MCF2L: variants seen among roughly 807,000 people sequenced by gnomAD.
MCF2L encodes guanine nucleotide exchange factor DBS.
In MCF2L, 97 loss-of-function variants were observed where a neutral mutation model predicts 153.4. That is an observed-to-expected ratio of 0.63 (90% confidence interval 0.54 to 0.75). The LOEUF (loss-of-function observed/expected upper bound fraction) is 0.75. MCF2L is among the 30% of genes least tolerant of loss of function. The probability of loss-of-function intolerance (pLI) is 0.00; values close to 1 mark genes in which losing one functional copy is unlikely to be tolerated. For synonymous variants in MCF2L, 659 were observed against 632.2 expected (o/e 1.04, Z -0.64); for missense variants, 1,347 against 1,495.2 (o/e 0.90, Z 1.64).
chr13:113,067,057 A>AG (rs1441142990), intron 8 of MCF2L, among the ~76,000 whole-genome samples: 1 of 152,248 alleles, frequency 6.6e-6, no homozygotes, highest in African/African-American at 2.4e-5. Flanking sequence ...ACAGCCCATG[A>AG]GGGTGGGCCC....
At chr13:113,012,571 G>A (rs1244923219) in intron 1 of MCF2L, among the ~76,000 whole-genome samples, 1 of 114,202 alleles carries the variant, frequency 8.8e-6, no homozygotes, top group Non-Finnish European at 1.9e-5. Flanking sequence ...CAGGTGGTGT[G>A]GACGGTGGAC....
At chr13:113,087,858 G>C in intron 23 of MCF2L, 59 bp downstream of exon 23, 2 of 1,406,620 alleles carry the variant, frequency 1.4e-6, no homozygotes, top group Non-Finnish European at 1.0e-6. Context: ...TTTCTCATGG[G>C]AACCAGTGCA....
At position 113,094,597 on chromosome 13, in the gene MCF2L, G is replaced by A. The variant is rs372650754; in HGVS notation, c.3037G>A (p.Asp1013Asn). 10 of 1,612,254 alleles carry A rather than the reference G, an allele frequency of 6.2e-6. No individual in the cohort carries two copies. The highest frequency in any genetic ancestry group is 5.3e-5 in the African/African-American group (4 of 74,936). ...TGCAGAGGAGCAGATTAACTCGTCCGACGCAGAGGAGGACGGCGGGTTGGG... is the reference window on the plus strand; with the variant it reads ...TGCAGAGGAGCAGATTAACTCGTCCAACGCAGAGGAGGACGGCGGGTTGGG... ...SSAEEQINSS[D>N]AEEDGGLGPK... The change falls in exon 27 of 30, where the codon GAC becomes AAC. Residue 1013 changes from aspartate to asparagine, a missense_variant. Physicochemically the swap from Asp to Asn is conservative, Grantham distance 23. Around this residue, in one of 3 missense-constraint regions of MCF2L, gnomAD observed 383 missense variants for 335.4 expected, o/e 1.14. Coordinates refer to ENST00000535094, the MANE Select transcript of MCF2L (RefSeq NM_001112732.3).
intron 2 of MCF2L, among the ~76,000 whole-genome samples, chr13:112,937,558 G>GA (rs1004090567): frequency 9.9e-5 from 15 of 152,242 alleles, no homozygotes; most frequent in Non-Finnish European, 1.5e-4. Context: ...TGGTGTGAAA[G>GA]AAAGTATATT....
At chr13:113,075,224 A>C in intron 11 of MCF2L, 35 bp downstream of exon 11, 2 of 1,546,872 alleles carry the variant, frequency 1.3e-6, no homozygotes, top group Admixed American at 1.8e-5. Context: ...ACTCCCCCCC[A>C]GCTGCGGAAC....
At position 113,099,403 on chromosome 13, in the gene MCF2L, G is replaced by A. The variant is rs1160388751; in HGVS notation, c.*2544G>A. On this transcript the variant is annotated 3_prime_UTR_variant, in exon 30 of 30. Coordinates refer to ENST00000535094, the MANE Select transcript of MCF2L (RefSeq NM_001112732.3). ...ATTTAAAAGCTTGTTTCTAACTCAC[G>A]GGATGCGGGCAGTCTGCTCTCTAGA... 8 of 152,212 alleles carry A rather than the reference G, an allele frequency of 5.3e-5. No homozygotes were observed. The highest frequency in any genetic ancestry group is 2.1e-4 in the South Asian group (1 of 4,832). The allele number at this position is 152,212 out of a possible 1,614,324, so 9.4% of individuals were successfully genotyped here.
At chr13:112,915,084 T>C (rs986317089) in intron 2 of MCF2L, among the ~76,000 whole-genome samples, 1 of 152,056 alleles carries the variant, frequency 6.6e-6, no homozygotes, top group African/African-American at 2.4e-5. Flanking sequence ...AGTTTGCTTT[T>C]CTGACCTGGG....
chr13:113,038,452 G>A (rs1447630558), intron 3 of MCF2L, among the ~76,000 whole-genome samples: 76 of 131,322 alleles, frequency 5.8e-4, no homozygotes, highest in African/African-American at 2.0e-3. Context: ...GTGACAGAGC[G>A]AGCCTCCATC....
Position 113,064,657 on chromosome 13 carries a change from C to T in MCF2L, c.606+237C>T. Reference sequence around the variant, plus strand: ...GGAGACCAAAAAAAAAAAAAAAACCCTTGCGTTGTGGTTTGCAACACTCAC... The same window carrying T: ...GGAGACCAAAAAAAAAAAAAAAACCTTTGCGTTGTGGTTTGCAACACTCAC... On this transcript the variant is annotated intron_variant, in intron 6 of 29. Coordinates refer to ENST00000535094, the MANE Select transcript of MCF2L (RefSeq NM_001112732.3). The surrounding 1 kb of genome is among the most constrained non-coding windows in gnomAD (Gnocchi z 6.0). 1.7e-6 allele frequency: 1 copy of T among 586,368 alleles called. No homozygotes were observed. Among genetic ancestry groups the T allele is most frequent in the South Asian group, 2.1e-5 (1 of 47,982 alleles). 36.3% of individuals were successfully genotyped at this position (586,368 alleles called of 1,614,324 possible). A position where few individuals can be genotyped will look rare whatever the true frequency, so the allele number is the denominator to read the frequency against.
rs1327598522 is a variant in MCF2L at position 112,983,453 on chromosome 13, A to G, written c.79+13995A>G. Among the ~76,000 whole-genome samples the G allele has an allele frequency of 6.6e-6, 1 of 151,926 alleles. No homozygotes were observed. The highest frequency in any genetic ancestry group is 2.4e-5 in the African/African-American group (1 of 41,342). ...TGGCCTTCTCCAGGCATTGCCCTGCACCTCGAGGGGCAGCGGGGCTTAAGT... is the reference window on the plus strand; with the variant it reads ...TGGCCTTCTCCAGGCATTGCCCTGCGCCTCGAGGGGCAGCGGGGCTTAAGT... On this transcript the variant is annotated intron_variant, in intron 1 of 29. Coordinates refer to ENST00000535094, the MANE Select transcript of MCF2L (RefSeq NM_001112732.3). This position sits in a 1 kb window ranked among gnomAD's most constrained non-coding sequence, Gnocchi z 4.0.
At chr13:113,033,215 A>G (rs1244414142) in intron 3 of MCF2L, among the ~76,000 whole-genome samples, 10 of 124,576 alleles carry the variant, frequency 8.0e-5, no homozygotes, top group South Asian at 5.5e-4. Context: ...GGCCCCCGTG[A>G]CATGAGTGGC....
chr13:112,999,137 C>T (rs2083259344), intron 1 of MCF2L, among the ~76,000 whole-genome samples: 1 of 152,230 alleles, frequency 6.6e-6, no homozygotes, highest in Non-Finnish European at 1.5e-5. Context: ...CCAGTCCCTC[C>T]TGAAGATGGC....
intron 2 of MCF2L, chr13:112,909,492 A>G: frequency 1.8e-6 from 1 of 562,784 alleles, no homozygotes; most frequent in African/African-American, 1.9e-5. Context: ...GGGAAGTCCT[A>G]CACTAGCGCA....
chr13:113,071,415 C>T (rs1285855606), intron 9 of MCF2L, among the ~76,000 whole-genome samples: 1 of 152,186 alleles, frequency 6.6e-6, no homozygotes, highest in East Asian at 1.9e-4. Flanking sequence ...TTTTGACGAA[C>T]TCCAATTTGT....
At chr13:113,059,660 C>T (rs539504141) in intron 4 of MCF2L, among the ~76,000 whole-genome samples, 5 of 152,316 alleles carry the variant, frequency 3.3e-5, no homozygotes, top group Middle Eastern at 3.4e-3. Context: ...ACGCCACGCA[C>T]GCCTTGGTCC....
At chr13:112,999,623 G>A (rs181881704) in intron 1 of MCF2L, among the ~76,000 whole-genome samples, 183 of 152,298 alleles carry the variant, frequency 1.2e-3, no homozygotes, top group South Asian at 2.1e-3. Flanking sequence ...CTTGGGCCTC[G>A]GGGGTCTCTG....
chr13:112,905,735 G>C (rs943827216), intron 2 of MCF2L, among the ~76,000 whole-genome samples: 1 of 152,182 alleles, frequency 6.6e-6, no homozygotes, highest in Non-Finnish European at 1.5e-5. Flanking sequence ...TTTTAAGGCT[G>C]AGTAATATTC....
At chr13:112,901,558 C>T (rs904506391) in intron 1 of MCF2L, among the ~76,000 whole-genome samples, 1 of 152,134 alleles carries the variant, frequency 6.6e-6, no homozygotes, top group African/African-American at 2.4e-5. Context: ...AAAGACAGCA[C>T]GGAAAGGCAC....
rs1594901894 is a variant in MCF2L, at chr13:113,064,539, T to C, written c.606+119T>C. 8 of 688,558 alleles carry C rather than the reference T, an allele frequency of 1.2e-5. No homozygotes were observed. The East Asian group carries it at 1.9e-4, about 16-fold the overall frequency. 42.7% of individuals were successfully genotyped at this position (688,558 alleles called of 1,614,324 possible). A position where few individuals can be genotyped will look rare whatever the true frequency, so the allele number is the denominator to read the frequency against. On this transcript the variant is annotated intron_variant, in intron 6 of 29. Transcript: ENST00000535094. The surrounding 1 kb of genome is among the most constrained non-coding windows in gnomAD (Gnocchi z 6.0). ...CACATTCACATTAACAGTCGTTTTC[T>C]TTCCCAAGAATGAGGAGATGGTCTC...
Sources: gnomAD v4.1 joint callset for allele counts (sites outside exome capture counted in the v4.1 genomes callset) on GRCh38, gnomAD v4.1.1 for gene constraint, gnomAD v4.1.1 regional missense constraint, Gnocchi (gnomAD v3.1) non-coding constraint, MANE v1.5 for transcripts, NCBI Gene and HGNC (gene_info 2026-07-23, HGNC 2026-07-21) for gene names.